The following TTC23 variants were observed in gnomAD, a reference collection of about 807,000 sequenced individuals.
TTC23 encodes the protein tetratricopeptide repeat domain 23.
A neutral mutation model predicts 55.1 loss-of-function variants in TTC23; 58 were observed. That is an observed-to-expected ratio of 1.05 (90% confidence interval 0.85 to 1.31). The LOEUF is 1.31. TTC23 is among the 50% of genes most tolerant of loss of function. The pLI is 0.00. For missense variants in TTC23, 516 were observed against 534.4 expected (o/e 0.97, Z 0.34); for synonymous variants, 203 against 199.9 (o/e 1.02, Z -0.13).
chr15:99,221,217 T>C (rs1381148934), intron 6 of TTC23, among the ~76,000 whole-genome samples: 1 of 152,170 alleles, frequency 6.6e-6, no homozygotes, highest in Admixed American at 6.5e-5. Context: ...AGCCAAGCAG[T>C]GGGAGAGAGA....
chr15:99,228,554 C>T lies in TTC23; in HGVS notation c.159G>A (p.Lys53=). ...TTACCTCATGACTGTTGGAATAGGACTTTGCTTTCTCTTCACAGAGGTGGA... is the reference window on the plus strand; with the variant it reads ...TTACCTCATGACTGTTGGAATAGGATTTTGCTTTCTCTTCACAGAGGTGGA... ...EKLHLCEEKA[K]SYSNSHEYKQ... The change falls in exon 5 of 14, where the codon AAG becomes AAA. Residue 53 remains lysine (K), a synonymous_variant. Transcript: ENST00000394132. 6.2e-7 allele frequency: 1 copy of T among 1,612,738 alleles called. No homozygotes were observed. The highest frequency in any genetic ancestry group is 1.1e-5 in the South Asian group (1 of 90,876).
chr15:99,204,632 GTTT>G (rs56890685), intron 8 of TTC23, among the ~76,000 whole-genome samples: 17 of 60,892 alleles, frequency 2.8e-4, no homozygotes, highest in African/African-American at 1.0e-3. Context: ...TAGATTTAAG[GTTT>G]TTTTTTTTTT....
intron 8 of TTC23, among the ~76,000 whole-genome samples, chr15:99,215,856 A>C (rs2077439861): frequency 6.6e-6 from 1 of 152,236 alleles, no homozygotes; most frequent in Non-Finnish European, 1.5e-5. Flanking sequence ...TCTAAAAGAA[A>C]GCAAGTAAGG....
At chr15:99,166,642 G>A (rs984798556) in intron 10 of TTC23, among the ~76,000 whole-genome samples, 9 of 152,212 alleles carry the variant, frequency 5.9e-5, no homozygotes, top group Non-Finnish European at 1.0e-4. Flanking sequence ...GGCCCTGCCT[G>A]GGAATCTGCC....
chr15:99,219,159 G>A (rs1293376272), intron 6 of TTC23, 111 bp from the exon 7 acceptor site: 1 of 1,204,868 alleles, frequency 8.3e-7, no homozygotes, highest in Non-Finnish European at 1.2e-6. Context: ...ATTGTCAAAT[G>A]ACACATGGAG....
Position 99,241,497 on chromosome 15 carries a change from T to A in TTC23, c.-246A>T, listed in dbSNP as rs2079792819. The A allele has an allele frequency of 6.6e-6, 1 of 152,220 alleles. No homozygotes were observed. The highest frequency in any genetic ancestry group is 2.4e-5 in the African/African-American group (1 of 41,410). The allele number at this position is 152,220 out of a possible 1,614,324, so 9.4% of individuals were successfully genotyped here. ...CCAGCCGTGGGTTCAGCTTTCTAGG[T>A]CTCTGAATCACAACTGCCAATGAGA... On this transcript the variant is annotated 5_prime_UTR_variant, in exon 3 of 14. Transcript: ENST00000394132.
At chr15:99,171,336 C>G (rs1441960936) in intron 10 of TTC23, among the ~76,000 whole-genome samples, 2 of 152,112 alleles carry the variant, frequency 1.3e-5, no homozygotes, top group Non-Finnish European at 2.9e-5. Context: ...CGAGTAGAGA[C>G]AGTAGGTCCT....
At chr15:99,208,375 G>T (rs958694797) in intron 8 of TTC23, among the ~76,000 whole-genome samples, 4 of 151,970 alleles carry the variant, frequency 2.6e-5, no homozygotes, top group African/African-American at 7.3e-5. Context: ...GGAATAAAAT[G>T]GTATTGGGAA....
intron 12 of TTC23, chr15:99,140,494 C>T (rs551035981): frequency 3.9e-5 from 6 of 152,154 alleles, no homozygotes; most frequent in Admixed American, 6.5e-5. Context: ...CTCAGCCTCC[C>T]GAGTAGCTGA....
chr15:99,183,647 G>T (rs968522334), intron 9 of TTC23, among the ~76,000 whole-genome samples: 1 of 151,944 alleles, frequency 6.6e-6, no homozygotes, highest in South Asian at 2.1e-4. Context: ...CCTGGTGGAA[G>T]AAATTTCTAA....
chr15:99,248,690 C>T (rs919243027), intron 1 of TTC23, among the ~76,000 whole-genome samples: 1 of 152,212 alleles, frequency 6.6e-6, no homozygotes, highest in Non-Finnish European at 1.5e-5. Flanking sequence ...TTTGTCCCTG[C>T]TCTTGAGGGG....
chr15:99,207,377 G>A (rs1229646183), intron 8 of TTC23, among the ~76,000 whole-genome samples: 1 of 152,106 alleles, frequency 6.6e-6, no homozygotes, highest in African/African-American at 2.4e-5. Flanking sequence ...CAAAACATGT[G>A]AATAGATAAT....
At chr15:99,139,605 A>G (rs1596172312) in intron 12 of TTC23, 2 of 1,526,076 alleles carry the variant, frequency 1.3e-6, no homozygotes, top group Non-Finnish European at 1.8e-6. Context: ...TTTTAGCACT[A>G]TTTCACAAAA....
chr15:99,148,359 C>CAAAAA (rs1567326659), intron 12 of TTC23, among the ~76,000 whole-genome samples: 4 of 1,038 alleles, frequency 3.9e-3, no homozygotes, highest in Non-Finnish European at 8.4e-3. Flanking sequence ...AGACTCTGTA[C>CAAAAA]CAAAAAAAAA....
chr15:99,167,445 G>A (rs1170172797), intron 10 of TTC23, among the ~76,000 whole-genome samples: 1 of 152,202 alleles, frequency 6.6e-6, no homozygotes, highest in Non-Finnish European at 1.5e-5. Context: ...GTGTTCCAAG[G>A]CCACGAATCT....
chr15:99,220,123 G>C (rs2077802255), intron 6 of TTC23, among the ~76,000 whole-genome samples: 1 of 152,210 alleles, frequency 6.6e-6, no homozygotes, highest in African/African-American at 2.4e-5. Context: ...GCAGCATAGG[G>C]TGAAGTTCAA....
chr15:99,149,025 G>A (rs544985854), intron 12 of TTC23, among the ~76,000 whole-genome samples: 1 of 152,322 alleles, frequency 6.6e-6, no homozygotes, highest in African/African-American at 2.4e-5. Flanking sequence ...TCCTGCTGCT[G>A]AGTTGAAAAC....
rs1174868567 is a variant in TTC23 at position 99,170,087 on chromosome 15, G to A, written c.865+4963C>T. Among the ~76,000 whole-genome samples the A allele has an allele frequency of 3.3e-5, 5 of 152,222 alleles. No individual in the cohort carries two copies. In the East Asian group the frequency reaches 7.7e-4, roughly 23 times the overall value. Reference sequence around the variant, plus strand: ...CTGAACACTTAGCAGGGCTGGGAAAGCTGTGAATACCAAGTTTGTCTATGC... The same window carrying A: ...CTGAACACTTAGCAGGGCTGGGAAAACTGTGAATACCAAGTTTGTCTATGC... On this transcript the variant is annotated intron_variant, in intron 10 of 13. Coordinates refer to ENST00000394132, the MANE Select transcript of TTC23 (RefSeq NM_001288615.3).
At chr15:99,222,175 T>C (rs560772275) in intron 5 of TTC23, among the ~76,000 whole-genome samples, 2 of 152,238 alleles carry the variant, frequency 1.3e-5, no homozygotes, top group Non-Finnish European at 2.9e-5. Flanking sequence ...ATTCTCTAGG[T>C]TTCCCAGCTG....
Sources: gnomAD v4.1 joint callset for allele counts (sites outside exome capture counted in the v4.1 genomes callset) on GRCh38, gnomAD v4.1.1 for gene constraint, MANE v1.5 for transcripts, NCBI Gene and HGNC (gene_info 2026-07-23, HGNC 2026-07-21) for gene names.